DLGAP5: variants seen among roughly 807,000 people sequenced by gnomAD.
The protein encoded by DLGAP5 is disks large-associated protein 5.
DLGAP5 carries 90 observed loss-of-function variants against 99.6 expected under a neutral mutation model. The observed-to-expected ratio is 0.90, with a 90% CI of 0.76 to 1.08. The LOEUF is 1.08. Among genes scored for constraint, DLGAP5 ranks in the 50% least tolerant of loss-of-function variants. The pLI, the probability that DLGAP5 is intolerant of heterozygous loss-of-function variation, is 0.00. For missense variants in DLGAP5, 1,036 were observed against 983.5 expected, an observed-to-expected ratio of 1.05 and a Z score of -0.71; for synonymous variants, 311 against 321.3, an observed-to-expected ratio of 0.97 and a Z score of 0.34.
rs1435946936 is a variant in DLGAP5, at chr14:55,150,597, T to A, written c.2418+202A>T. On this transcript the variant is annotated intron_variant, in intron 18 of 18. Transcript: ENST00000247191. ...TAGAAAAACCATATAGAAAAACATA[T>A]CTTCAGGGTTAATATTAAAACATAC... The A allele has an allele frequency of 4.6e-5, 16 of 346,694 alleles. No individual in the cohort carries two copies. The East Asian group carries it at 8.3e-4, about 18-fold the overall frequency. The allele number at this position is 346,694 out of a possible 1,614,324, so 21.5% of individuals were successfully genotyped here.
At chr14:55,182,220 A>G (rs1256200205) in intron 4 of DLGAP5, 150 bp downstream of exon 4, 1 of 571,156 alleles carries the variant, frequency 1.8e-6, no homozygotes, top group African/African-American at 1.9e-5. Flanking sequence ...ATTGCTCTAC[A>G]TCACCATACT....
rs1566492092 is a variant in DLGAP5 at position 55,150,789 on chromosome 14, GA to G, written c.2418+9del. On this transcript the variant is annotated intron_variant, in intron 18 of 18. Transcript: ENST00000247191. The stretch of plus-strand genomic sequence containing the variant: ...GAATATAAAGGGACTTGTCAAGTTG[GA>G]AAACTTACTGAATCAAGAAGGTGGC... The G allele has an allele frequency of 2.6e-6, 4 of 1,564,472 alleles. No homozygotes were observed. Among genetic ancestry groups the G allele is most frequent in the Non-Finnish European group, 3.4e-6 (4 of 1,161,774 alleles).
At chr14:55,154,398 C>G (rs3818451) in intron 15 of DLGAP5, among the ~76,000 whole-genome samples, 87,296 of 152,058 alleles carry the variant, frequency 0.57, 27,882 homozygotes, top group African/African-American at 0.87. Context: ...TTTCTTCTTA[C>G]TGCTGCAGAA....
intron 13 of DLGAP5, among the ~76,000 whole-genome samples, chr14:55,160,792 T>C (rs1882398227): frequency 6.6e-6 from 1 of 152,058 alleles, no homozygotes; most frequent in Non-Finnish European, 1.5e-5. Flanking sequence ...AAGCAACTAG[T>C]GGATTAATAA....
intron 2 of DLGAP5, 141 bp downstream of exon 2, chr14:55,188,801 A>T (rs12881608): frequency 2.1e-5 from 11 of 525,602 alleles, no homozygotes; most frequent in Middle Eastern, 5.1e-4. Flanking sequence ...AAAAAAAAAA[A>T]GGAAAAAGAC....
intron 7 of DLGAP5, among the ~76,000 whole-genome samples, chr14:55,177,727 C>T (rs1373142107): frequency 6.6e-6 from 1 of 151,302 alleles, no homozygotes; most frequent in Non-Finnish European, 1.5e-5. Context: ...TTAGTGGAGA[C>T]GGGGTTTCGC....
chr14:55,168,450 G>A (rs1403685653), intron 12 of DLGAP5, among the ~76,000 whole-genome samples: 2 of 152,140 alleles, frequency 1.3e-5, no homozygotes, highest in Admixed American at 6.5e-5. Flanking sequence ...CTTCCTAGAT[G>A]TTTGCTTTGG....
chr14:55,168,446 AG>A (rs1258895792), intron 12 of DLGAP5, among the ~76,000 whole-genome samples: 1 of 152,076 alleles, frequency 6.6e-6, no homozygotes, highest in Non-Finnish European at 1.5e-5. Context: ...CTCTCTTCCT[AG>A]ATGTTTGCTT....
intron 12 of DLGAP5, among the ~76,000 whole-genome samples, chr14:55,169,124 C>T (rs961524247): frequency 7.2e-6 from 1 of 139,702 alleles, no homozygotes; most frequent in African/African-American, 2.8e-5. Context: ...AGCAGTGAGC[C>T]GAGATCACAC....
chr14:55,148,172 A>C lies in DLGAP5; in HGVS notation c.*179T>G. 1.5e-6 allele frequency: 1 copy of C among 646,812 alleles called. No individual in the cohort carries two copies. The highest frequency in any genetic ancestry group is 2.3e-5 in the South Asian group (1 of 43,308). 40.1% of individuals were successfully genotyped at this position (646,812 alleles called of 1,614,324 possible). On this transcript the variant is annotated 3_prime_UTR_variant, in exon 19 of 19. Transcript: ENST00000247191. Reference sequence around the variant, plus strand: ...TTTATTCTGTGTTGAAAATGTACAAAATATCCCCACTTCCCTTGAGAAAGA... The same window carrying C: ...TTTATTCTGTGTTGAAAATGTACAACATATCCCCACTTCCCTTGAGAAAGA...
intron 7 of DLGAP5, among the ~76,000 whole-genome samples, chr14:55,177,779 C>T (rs1453158758): frequency 1.3e-5 from 2 of 151,440 alleles, no homozygotes; most frequent in East Asian, 2.0e-4. Context: ...CCTCGTCATC[C>T]GCCCGCCTAG....
At chr14:55,188,838 G>A in intron 2 of DLGAP5, 104 bp downstream of exon 2, 1 of 711,330 alleles carries the variant, frequency 1.4e-6, no homozygotes, top group Non-Finnish European at 2.3e-6. Context: ...TTATAGAATG[G>A]TATTTCAAAA....
At chr14:55,170,637 G>A in intron 11 of DLGAP5, 65 bp downstream of exon 11, 1 of 1,348,852 alleles carries the variant, frequency 7.4e-7, no homozygotes, top group Non-Finnish European at 1.1e-6. Flanking sequence ...ATATTTTTAT[G>A]TTTCAGATAA....
intron 2 of DLGAP5, among the ~76,000 whole-genome samples, chr14:55,185,453 C>T (rs1039396447): frequency 6.6e-6 from 1 of 152,182 alleles, no homozygotes; most frequent in African/African-American, 2.4e-5. Context: ...CCCACCTCGG[C>T]CTCCCAAAGT....
At chr14:55,188,468 C>A (rs563755425) in intron 2 of DLGAP5, among the ~76,000 whole-genome samples, 1 of 152,248 alleles carries the variant, frequency 6.6e-6, no homozygotes, top group Non-Finnish European at 1.5e-5. Context: ...TCTATTTTTA[C>A]ATTTCTTATC....
At chr14:55,173,012 T>G (rs1001403141) in intron 10 of DLGAP5, among the ~76,000 whole-genome samples, 1 of 139,610 alleles carries the variant, frequency 7.2e-6, no homozygotes, top group African/African-American at 2.7e-5. Flanking sequence ...AAAGAAGAGA[T>G]AGCAGAAATG....
At chr14:55,156,234 CAAG>C (rs1882212905) in intron 14 of DLGAP5, among the ~76,000 whole-genome samples, 2 of 152,080 alleles carry the variant, frequency 1.3e-5, no homozygotes, top group South Asian at 2.1e-4. Context: ...TCAGTTTAAA[CAAG>C]AAGAGCTCAG....
In DLGAP5 at chr14:55,169,535, A is replaced by G. The variant is rs928344788; in HGVS notation, c.1412T>C (p.Val471Ala). ...DDAKDLIRTA[V>A]GQTRLLMKER... Reference sequence around the variant, plus strand: ...CTTCATAAGGAGTCTTGTTTGACCAACTGCTGTGCGAATAAGATCTTTAGC... The same window carrying G: ...CTTCATAAGGAGTCTTGTTTGACCAGCTGCTGTGCGAATAAGATCTTTAGC... The change falls in exon 12 of 19, where the codon GTT becomes GCT. Residue 471 changes from valine (V) to alanine (A), a missense_variant. Val to Ala is a moderately conservative substitution (Grantham distance 64). Coordinates refer to ENST00000247191, the MANE Select transcript of DLGAP5 (RefSeq NM_014750.5). The G allele has an allele frequency of 6.9e-6, 11 of 1,594,636 alleles. No homozygotes were observed. The highest frequency in any genetic ancestry group is 9.4e-6 in the Non-Finnish European group (11 of 1,175,276).
At chr14:55,173,944 T>C (rs536884869) in intron 10 of DLGAP5, among the ~76,000 whole-genome samples, 2 of 152,304 alleles carry the variant, frequency 1.3e-5, no homozygotes, top group East Asian at 3.9e-4. Flanking sequence ...AGCATGTGTG[T>C]TTGAGCAATA....
Sources: gnomAD v4.1 joint callset for allele counts (sites outside exome capture counted in the v4.1 genomes callset) on GRCh38, gnomAD v4.1.1 for gene constraint, MANE v1.5 for transcripts, NCBI Gene and HGNC (gene_info 2026-07-23, HGNC 2026-07-21) for gene names.